DISP1: variants seen among roughly 807,000 people sequenced by gnomAD.
DISP1 encodes the protein protein dispatched homolog 1.
A neutral mutation model predicts 37.3 loss-of-function variants in DISP1; 30 were observed. That is an observed-to-expected ratio of 0.80 (90% CI 0.60 to 1.09). DISP1 has a LOEUF of 1.09. DISP1 is among the 50% of genes least tolerant of loss of function. The pLI is 0.00. For missense variants in DISP1, 1,598 were observed against 1,879.5 expected, an observed-to-expected ratio of 0.85 and a Z score of 2.77; for synonymous variants, 634 against 690.2, an observed-to-expected ratio of 0.92 and a Z score of 1.28.
At chr1:222,869,869 G>A (rs1459855867) in intron 1 of DISP1, among the ~76,000 whole-genome samples, 2 of 151,724 alleles carry the variant, frequency 1.3e-5, no homozygotes, top group South Asian at 2.1e-4. Context: ...TACATGTGAC[G>A]TGTTGGTGTG....
rs759111627 is a variant in DISP1 at position 222,942,879 on chromosome 1, C to A, written c.56C>A (p.Ala19Glu). The change falls in exon 3 of 9, where the codon GCA becomes GAA. Residue 19 changes from alanine to glutamate, a missense_variant. By Grantham distance (107) the Ala-to-Glu change is moderately radical (BLOSUM62 -1). Coordinates refer to ENST00000675850, the MANE Select transcript of DISP1 (RefSeq NM_001377229.1). ...DFVVLSNSSI[A>E]TSAANPSPLT... ...GTGGTTCTGAGCAACAGCAGCATCG[C>A]AACCAGTGCTGCTAACCCGAGTCCC... The A allele has an allele frequency of 6.2e-7, 1 of 1,614,164 alleles. No homozygotes were observed. The highest frequency in any genetic ancestry group is 1.1e-5 in the South Asian group (1 of 91,074).
chr1:223,004,429 A>T lies in DISP1; in HGVS notation c.3032A>T (p.Tyr1011Phe), dbSNP rs1403112498. Residue 1011 changes from tyrosine to phenylalanine, a missense_variant, in exon 9 of 9, where the codon TAT becomes TTT. Tyr to Phe is a conservative substitution (Grantham distance 22, BLOSUM62 3). Transcript: ENST00000675850. The surrounding 1 kb of genome is among the most constrained non-coding windows in gnomAD (Gnocchi z 4.9). ...ACTTGGAACATCATCATAAGCCTTT[A>T]TGCCATCATTTCAATTGCTGGAACG... ...LTTWNIIISLYAIISIAGTIF... is the reference protein window; with the variant it reads ...LTTWNIIISLFAIISIAGTIF... 6.2e-7 allele frequency: 1 copy of T among 1,614,060 alleles called. No individual in the cohort carries two copies. The highest frequency in any genetic ancestry group is 8.5e-7 in the Non-Finnish European group (1 of 1,180,042).
At position 222,991,558 on chromosome 1, in the gene DISP1, G is replaced by T. The variant is rs1367226938; in HGVS notation, c.702G>T (p.Leu234Phe). 3.7e-6 allele frequency: 6 copies of T among 1,613,666 alleles called. No individual in the cohort carries two copies. The highest frequency in any genetic ancestry group is 1.3e-5 in the African/African-American group (1 of 74,874). Residue 234 changes from leucine (L) to phenylalanine (F), a missense_variant, in exon 6 of 9, where the codon TTG (leucine) becomes TTT (phenylalanine). Leu to Phe is a conservative substitution (Grantham distance 22). Coordinates refer to ENST00000675850, the MANE Select transcript of DISP1 (RefSeq NM_001377229.1). ...GAGGAACAGCAATAGGCCAGAGATTGGTCACATGGAATAATATGGTGAAAA... is the reference window on the plus strand; with the variant it reads ...GAGGAACAGCAATAGGCCAGAGATTTGTCACATGGAATAATATGGTGAAAA... ...EPRGTAIGQR[L>F]VTWNNMVKNT... is the part of the protein sequence containing the mutation.
At chr1:222,882,473 T>TA (rs1416235938) in intron 1 of DISP1, among the ~76,000 whole-genome samples, 2 of 152,130 alleles carry the variant, frequency 1.3e-5, no homozygotes, top group Non-Finnish European at 2.9e-5. Context: ...AGAAGGAAAT[T>TA]AAAGTTTGGT....
chr1:222,875,077 T>A (rs565385750), intron 1 of DISP1, among the ~76,000 whole-genome samples: 149 of 152,032 alleles, frequency 9.8e-4, no homozygotes, highest in Non-Finnish European at 1.7e-3. Flanking sequence ...GGGAAGGAGG[T>A]AAGTAGAGGA....
intron 1 of DISP1, among the ~76,000 whole-genome samples, chr1:222,869,235 G>A (rs945211089): frequency 1.3e-5 from 2 of 151,980 alleles, no homozygotes; most frequent in African/African-American, 2.4e-5. Flanking sequence ...TAGATCACAG[G>A]TACTAATAAA....
At chr1:222,842,001 G>C (rs1667637954) in intron 1 of DISP1, among the ~76,000 whole-genome samples, 1 of 152,072 alleles carries the variant, frequency 6.6e-6, no homozygotes, top group Non-Finnish European at 1.5e-5. Context: ...AATGAATTTT[G>C]AACCTAGTAA....
intron 3 of DISP1, among the ~76,000 whole-genome samples, chr1:222,971,128 T>A (rs992711962): frequency 1.1e-4 from 16 of 152,182 alleles, no homozygotes; most frequent in African/African-American, 3.9e-4. Context: ...TTTGCTTTGA[T>A]CCTTATTAAA....
intron 3 of DISP1, among the ~76,000 whole-genome samples, chr1:222,943,976 G>A (rs573027131): frequency 6.6e-6 from 1 of 151,042 alleles, no homozygotes; most frequent in African/African-American, 2.4e-5. Flanking sequence ...GTTGTGGTGA[G>A]CCGAGATCAC....
At chr1:222,920,574 T>C (rs1201032787) in intron 1 of DISP1, among the ~76,000 whole-genome samples, 2 of 152,178 alleles carry the variant, frequency 1.3e-5, no homozygotes, top group African/African-American at 4.8e-5. Flanking sequence ...AGACAAAATG[T>C]TCCCTTGAAT....
chr1:222,873,481 AG>A (rs1669716250), intron 1 of DISP1, among the ~76,000 whole-genome samples: 1 of 152,184 alleles, frequency 6.6e-6, no homozygotes, highest in Admixed American at 6.6e-5. Context: ...ATATATATTT[AG>A]GATAGTTAGC....
chr1:222,924,587 T>C (rs1319791554), intron 1 of DISP1, among the ~76,000 whole-genome samples: 2 of 152,158 alleles, frequency 1.3e-5, no homozygotes, highest in Non-Finnish European at 2.9e-5. Context: ...CAAAATCCAA[T>C]ATAGAATATT....
intron 3 of DISP1, among the ~76,000 whole-genome samples, chr1:222,950,887 A>G (rs1179283816): frequency 6.6e-6 from 1 of 152,252 alleles, no homozygotes. Flanking sequence ...ATAGCACACT[A>G]GAGTTCTAAT....
chr1:222,855,765 C>T (rs1173657407), intron 1 of DISP1, among the ~76,000 whole-genome samples: 1 of 152,062 alleles, frequency 6.6e-6, no homozygotes, highest in Non-Finnish European at 1.5e-5. Flanking sequence ...GATATTTTGA[C>T]TAATTCAAAT....
intron 1 of DISP1, among the ~76,000 whole-genome samples, chr1:222,865,813 A>G (rs1669154266): frequency 3.9e-5 from 6 of 152,194 alleles, no homozygotes; most frequent in Admixed American, 3.9e-4. Context: ...ACACACACAT[A>G]CACAGAATAA....
In DISP1 at chr1:223,002,515, G is replaced by A. The variant is rs767452749; in HGVS notation, c.1118G>A (p.Arg373Gln). 11 of 1,614,032 alleles carry A rather than the reference G, an allele frequency of 6.8e-6. No homozygotes were observed. The highest frequency in any genetic ancestry group is 1.7e-5 in the Admixed American group (1 of 60,002). The change falls in exon 9 of 9, where the codon CGA becomes CAA. Residue 373 changes from arginine to glutamine, a missense_variant. Arg to Gln is a conservative substitution (Grantham distance 43). Coordinates refer to ENST00000675850, the MANE Select transcript of DISP1 (RefSeq NM_001377229.1). The stretch of plus-strand genomic sequence containing the variant: ...TCGTCCTGTCAGAAAATAGTTGAGC[G>A]AGACGTTTCTCATACCTTGAAGCTG... ...NRSSCQKIVE[R>Q]DVSHTLKLLR...
chr1:222,891,077 C>T (rs755183361), intron 1 of DISP1, among the ~76,000 whole-genome samples: 5 of 151,918 alleles, frequency 3.3e-5, no homozygotes, highest in African/African-American at 4.8e-5. Context: ...TAATCCAACC[C>T]GTAATACCAG....
intron 1 of DISP1, among the ~76,000 whole-genome samples, chr1:222,865,884 G>C (rs1379812743): frequency 6.6e-6 from 1 of 152,190 alleles, no homozygotes; most frequent in Non-Finnish European, 1.5e-5. Context: ...CTTTTAGCCA[G>C]TTACGTTTTT....
rs552400227 is a variant in DISP1 at position 222,968,075 on chromosome 1, C to T, written c.510-15005C>T. Among the ~76,000 whole-genome samples the T allele has an allele frequency of 8.6e-5, 13 of 152,044 alleles. No individual in the cohort carries two copies. The South Asian group carries it at 1.2e-3, about 15-fold the overall frequency. ...GCCAAAATGAAACAATGTGATTCTG[C>T]GAAAAGAACTGGTAGACACATCAAT... On this transcript the variant is annotated intron_variant, in intron 3 of 8. Transcript: ENST00000675850.
Sources: allele counts gnomAD v4.1 joint callset (sites outside exome capture counted in the v4.1 genomes callset), GRCh38; gene constraint gnomAD v4.1.1; non-coding constraint Gnocchi (gnomAD v3.1); transcripts MANE v1.5; gene names NCBI Gene and HGNC (gene_info 2026-07-23, HGNC 2026-07-21).